EIF2AK3: variants seen among roughly 807,000 people sequenced by gnomAD.
EIF2AK3 encodes eukaryotic translation initiation factor 2-alpha kinase 3.
Under a neutral mutation model 113.5 loss-of-function variants are expected in EIF2AK3, and 50 were observed. The observed-to-expected ratio is 0.44, with a 90% CI of 0.35 to 0.56. EIF2AK3 has a LOEUF of 0.56. Among genes scored for constraint, EIF2AK3 ranks in the 20% least tolerant of loss-of-function variants. EIF2AK3 has a pLI of 0.00. For missense variants in EIF2AK3, 1,185 were observed against 1,378.0 expected, an observed-to-expected ratio of 0.86 and a Z score of 2.22; for synonymous variants, 448 against 495.4, an observed-to-expected ratio of 0.90 and a Z score of 1.27.
chr2:88,579,729 A>G, intron 10 of EIF2AK3, 89 bp from the exon 11 acceptor site: 1 of 1,244,170 alleles, frequency 8.0e-7, no homozygotes, highest in Non-Finnish European at 1.1e-6. Flanking sequence ...TGACACATAA[A>G]AATGTATAAA....
At chr2:88,572,167 T>A (rs1674329311) in intron 13 of EIF2AK3, among the ~76,000 whole-genome samples, 1 of 152,196 alleles carries the variant, frequency 6.6e-6, no homozygotes, top group Non-Finnish European at 1.5e-5. Flanking sequence ...AATCTGCAGC[T>A]CTCCAATAAA....
chr2:88,599,664 G>T (rs1274343607), intron 2 of EIF2AK3, among the ~76,000 whole-genome samples: 3 of 152,096 alleles, frequency 2.0e-5, no homozygotes, highest in Non-Finnish European at 2.9e-5. Context: ...GAGAAAGCAG[G>T]TGTGCATGAC....
At chr2:88,612,770 C>T (rs773825570) in intron 2 of EIF2AK3, among the ~76,000 whole-genome samples, 9 of 152,164 alleles carry the variant, frequency 5.9e-5, no homozygotes, top group Admixed American at 2.6e-4. Flanking sequence ...CCCTCATGTA[C>T]GATTTTGTCT....
intron 1 of EIF2AK3, among the ~76,000 whole-genome samples, chr2:88,618,960 T>G (rs916979004): frequency 6.6e-6 from 1 of 152,070 alleles, no homozygotes; most frequent in Non-Finnish European, 1.5e-5. Context: ...CTTTCCTGGT[T>G]TCTACAGGAC....
rs760433148 is a variant in EIF2AK3, at chr2:88,575,348, A to G, written c.2135T>C (p.Ile712Thr). The G allele has an allele frequency of 1.1e-5, 18 of 1,614,078 alleles. No homozygotes were observed. Among genetic ancestry groups the G allele is most frequent in the Non-Finnish European group, 1.4e-5 (16 of 1,180,046 alleles). The part of the protein sequence containing the change: ...PFATKEHIEI[I>T]APSPQRSRSF... Reference sequence around the variant, plus strand: ...CCTGCTTCTTTGTGGTGAAGGAGCTATGATTTCAATATGTTCTTTTGTAGC... The same window carrying G: ...CCTGCTTCTTTGTGGTGAAGGAGCTGTGATTTCAATATGTTCTTTTGTAGC... The change falls in exon 13 of 17, where the codon ATA becomes ACA. Residue 712 changes from isoleucine (I) to threonine (T), a missense_variant. This residue lies in a region of EIF2AK3 where 877 missense variants were observed against 1,024.2 expected (regional missense o/e 0.86). Transcript: ENST00000303236.
chr2:88,577,193 G>A (rs1315639189), intron 11 of EIF2AK3, among the ~76,000 whole-genome samples: 1 of 152,064 alleles, frequency 6.6e-6, no homozygotes, highest in African/African-American at 2.4e-5. Context: ...ATGTTGGTCA[G>A]GCTAGTCTCG....
Position 88,575,052 on chromosome 2 carries a change from A to G in EIF2AK3, c.2431T>C (p.Ser811Pro). 1 of 1,614,224 alleles carries G rather than the reference A, an allele frequency of 6.2e-7. No individual in the cohort carries two copies. The highest frequency in any genetic ancestry group is 8.5e-7 in the Non-Finnish European group (1 of 1,180,040). ...TTACTGGAAGCATTATCACAGCCAGAATCTTCAAATACTATTGAAGAGGAG... is the reference window on the plus strand; with the variant it reads ...TTACTGGAAGCATTATCACAGCCAGGATCTTCAAATACTATTGAAGAGGAG... ...RTSSSIVFED[S>P]GCDNASSKEE... The change falls in exon 13 of 17, where the codon TCT becomes CCT. Residue 811 changes from serine to proline, a missense_variant. Ser to Pro is a moderately conservative substitution (Grantham distance 74, BLOSUM62 -1). Coordinates refer to ENST00000303236, the MANE Select transcript of EIF2AK3 (RefSeq NM_004836.7).
Position 88,557,220 on chromosome 2 carries a change from G to T in EIF2AK3, c.*516C>A. 5.9e-6 allele frequency: 1 copy of T among 168,190 alleles called. No homozygotes were observed. 10.4% of individuals were successfully genotyped at this position (168,190 alleles called of 1,614,324 possible). On this transcript the variant is annotated 3_prime_UTR_variant, in exon 17 of 17. Coordinates refer to ENST00000303236, the MANE Select transcript of EIF2AK3 (RefSeq NM_004836.7). Reference sequence around the variant, plus strand: ...GACTATAAAACTACGGACATAAACCGTTATACAGTTTGTGCTACTTGTCCT... The same window carrying T: ...GACTATAAAACTACGGACATAAACCTTTATACAGTTTGTGCTACTTGTCCT...
Position 88,627,194 on chromosome 2 carries a change from C to T in EIF2AK3, c.81G>A (p.Thr27=), listed in dbSNP as rs1225933572. 1.2e-5 allele frequency: 18 copies of T among 1,451,764 alleles called. No individual in the cohort carries two copies. The highest frequency in any genetic ancestry group is 2.4e-4 in the Middle Eastern group (1 of 4,190). The allele number at this position is 1,451,764 out of a possible 1,614,324, so 89.9% of individuals were successfully genotyped here. ...GGCCACGGGCGCGCCCCGCGGCCAC[C>T]GTCCTTGCCGCGAGCCCCAGCAGCA... ...LLLLLGLAAR[T]VAAGRARGLP... is the part of the protein sequence containing the mutation. Residue 27 remains threonine, a synonymous_variant, in exon 1 of 17, where the codon ACG becomes ACA. Transcript: ENST00000303236.
intron 13 of EIF2AK3, among the ~76,000 whole-genome samples, chr2:88,571,606 C>G (rs1282695751): frequency 6.6e-6 from 1 of 152,206 alleles, no homozygotes; most frequent in Non-Finnish European, 1.5e-5. Flanking sequence ...CCTGAGCAGT[C>G]TGGCTCTATG....
chr2:88,583,645 G>C, intron 9 of EIF2AK3, 103 bp from the exon 10 acceptor site: 1 of 822,314 alleles, frequency 1.2e-6, no homozygotes, highest in Middle Eastern at 2.7e-4. Context: ...TACATAAGTA[G>C]CATCAAGAAA....
At chr2:88,606,665 T>G (rs973023184) in intron 2 of EIF2AK3, among the ~76,000 whole-genome samples, 1 of 152,232 alleles carries the variant, frequency 6.6e-6, no homozygotes, top group Non-Finnish European at 1.5e-5. Flanking sequence ...AGATCCTCTT[T>G]TAATAAATAC....
chr2:88,627,231 AGC>A lies in EIF2AK3; in HGVS notation c.42_43del (p.Leu15AlafsTer61). The A allele has an allele frequency of 6.8e-7, 1 of 1,478,636 alleles. No homozygotes were observed. The highest frequency in any genetic ancestry group is 2.9e-5 in the East Asian group (1 of 34,182). 91.6% of individuals were successfully genotyped at this position (1,478,636 alleles called of 1,614,324 possible). On this transcript the variant is annotated frameshift_variant, in exon 1 of 17. Coordinates refer to ENST00000303236, the MANE Select transcript of EIF2AK3 (RefSeq NM_004836.7). LOFTEE classifies it high-confidence loss of function. ...GAGCCCCAGCAGCAGCAGCAGCAGC[AGC>A]AGCGCCCGTACCAGCAGCCCCGGGC...
chr2:88,582,504 G>A (rs1674625034), intron 10 of EIF2AK3, among the ~76,000 whole-genome samples: 1 of 152,118 alleles, frequency 6.6e-6, no homozygotes. Flanking sequence ...GGATAGAGGA[G>A]GAAGGTACTT....
chr2:88,583,349 C>G (rs1306163897), intron 10 of EIF2AK3, 81 bp downstream of exon 10: 1 of 1,025,604 alleles, frequency 9.8e-7, no homozygotes, highest in African/African-American at 1.6e-5. Context: ...TCTAGATATC[C>G]ACACATTAAA....
chr2:88,606,509 C>G (rs982249837), intron 2 of EIF2AK3, among the ~76,000 whole-genome samples: 4 of 152,220 alleles, frequency 2.6e-5, no homozygotes, highest in South Asian at 2.1e-4. Flanking sequence ...TATTGGCTTG[C>G]TACATGATTG....
intron 13 of EIF2AK3, 156 bp downstream of exon 13, chr2:88,574,510 G>A (rs1674400371): frequency 1.2e-6 from 1 of 829,068 alleles, no homozygotes; most frequent in Non-Finnish European, 1.9e-6. Flanking sequence ...TCTTATTCTT[G>A]CAGCAGGCCC....
intron 2 of EIF2AK3, among the ~76,000 whole-genome samples, chr2:88,608,793 C>T (rs944175414): frequency 4.7e-5 from 7 of 148,070 alleles, no homozygotes; most frequent in Non-Finnish European, 8.9e-5. Context: ...CCGCAACCTC[C>T]GTCTCCCAGG....
intron 1 of EIF2AK3, among the ~76,000 whole-genome samples, chr2:88,619,451 C>G (rs889597540): frequency 3.3e-5 from 5 of 152,218 alleles, no homozygotes; most frequent in Non-Finnish European, 7.3e-5. Flanking sequence ...TCTCCCCTAT[C>G]CTAGTTCTGC....
Sources: gnomAD v4.1 joint callset for allele counts (sites outside exome capture counted in the v4.1 genomes callset) on GRCh38, gnomAD v4.1.1 for gene constraint, gnomAD v4.1.1 regional missense constraint, MANE v1.5 for transcripts, NCBI Gene and HGNC (gene_info 2026-07-23, HGNC 2026-07-21) for gene names.